The following DRC11 variants were observed in gnomAD, a reference collection of about 807,000 sequenced individuals.
The protein encoded by DRC11 is IQ and AAA domain-containing protein 1.
the DRC11 span, among the ~76,000 whole-genome samples, chr2:236,379,880 G>A: frequency 6.6e-6 from 1 of 151,280 alleles, no homozygotes; most frequent in Admixed American, 6.6e-5. Flanking sequence ...ACAGGGGAGC[G>A]ACAGGACCAA....
At chr2:236,314,100 T>C in the DRC11 span, among the ~76,000 whole-genome samples, 1 of 152,192 alleles carries the variant, frequency 6.6e-6, no homozygotes, top group Non-Finnish European at 1.5e-5. The surrounding 1 kb of genome is among the most constrained non-coding windows in gnomAD (Gnocchi z 4.5). Flanking sequence ...ATAAAATTGG[T>C]ATGTTGTATC....
the DRC11 span, among the ~76,000 whole-genome samples, chr2:236,373,465 G>T: frequency 2.0e-5 from 3 of 151,830 alleles, no homozygotes; most frequent in Non-Finnish European, 4.4e-5. Context: ...TGGCCAGGCT[G>T]GTCTGGAACT....
At chr2:236,504,296 T>C in the DRC11 span, among the ~76,000 whole-genome samples, 2 of 152,180 alleles carry the variant, frequency 1.3e-5, no homozygotes, top group African/African-American at 4.8e-5. This position sits in a 1 kb window ranked among gnomAD's most constrained non-coding sequence, Gnocchi z 5.0. Context: ...TTCTTTCTAT[T>C]GCTAAGTTTC....
chr2:236,309,776 C>G, the DRC11 span, among the ~76,000 whole-genome samples: 11 of 150,010 alleles, frequency 7.3e-5, no homozygotes, highest in Non-Finnish European at 1.6e-4. The surrounding 1 kb of genome is among the most constrained non-coding windows in gnomAD (Gnocchi z 5.7). Context: ...GTTGGTGTCC[C>G]TTTCAACTGG....
chr2:236,392,127 T>A, the DRC11 span: 1 of 1,574,346 alleles, frequency 6.4e-7, no homozygotes, highest in Admixed American at 1.7e-5. This position sits in a 1 kb window ranked among gnomAD's most constrained non-coding sequence, Gnocchi z 5.1. Flanking sequence ...TTGTGTTTTG[T>A]TTGTGAAGTT....
chr2:236,392,327 A>G, the DRC11 span: 11 of 1,594,026 alleles, frequency 6.9e-6, 1 homozygote, highest in Middle Eastern at 1.7e-4. The surrounding 1 kb of genome is among the most constrained non-coding windows in gnomAD (Gnocchi z 5.1). Flanking sequence ...AAATTCCAAG[A>G]CTCATCTTTT....
At chr2:236,503,658 G>A in the DRC11 span, 16 of 1,550,778 alleles carry the variant, frequency 1.0e-5, no homozygotes, top group African/African-American at 1.5e-4. This position sits in a 1 kb window ranked among gnomAD's most constrained non-coding sequence, Gnocchi z 4.9. Flanking sequence ...GAGAGACGGC[G>A]TCATCTCCTT....
At chr2:236,410,762 C>A in the DRC11 span, among the ~76,000 whole-genome samples, 1 of 150,122 alleles carries the variant, frequency 6.7e-6, no homozygotes, top group Non-Finnish European at 1.5e-5. Flanking sequence ...ACTATCTGAT[C>A]TTTGACAAAC....
chr2:236,493,786 T>C, the DRC11 span: 3 of 1,602,960 alleles, frequency 1.9e-6, no homozygotes, highest in Non-Finnish European at 2.6e-6. Context: ...ATGTATCTAT[T>C]CCGCTGTCCG....
At chr2:236,483,641 T>C in the DRC11 span, among the ~76,000 whole-genome samples, 66,393 of 151,870 alleles carry the variant, frequency 0.44, 14,969 homozygotes, top group African/African-American at 0.48. The surrounding 1 kb of genome is among the most constrained non-coding windows in gnomAD (Gnocchi z 4.8). Context: ...ATAATTATGG[T>C]GAACAACAAA....
the DRC11 span, among the ~76,000 whole-genome samples, chr2:236,338,679 G>A: frequency 1.3e-5 from 2 of 152,254 alleles, no homozygotes; most frequent in Admixed American, 6.5e-5. Flanking sequence ...ATTTACAAAC[G>A]GAAGGAAGCT....
chr2:236,470,012 T>G, the DRC11 span, among the ~76,000 whole-genome samples: 1 of 152,282 alleles, frequency 6.6e-6, no homozygotes, highest in East Asian at 1.9e-4. The surrounding 1 kb of genome is among the most constrained non-coding windows in gnomAD (Gnocchi z 5.1). Context: ...AGCAAGGTCC[T>G]CCGTCAGCAA....
At chr2:236,477,367 A>C in the DRC11 span, among the ~76,000 whole-genome samples, 1 of 152,256 alleles carries the variant, frequency 6.6e-6, no homozygotes, top group Non-Finnish European at 1.5e-5. Context: ...CATAAGAAAG[A>C]GAAGATTATT....
chr2:236,435,081 G>C, the DRC11 span, among the ~76,000 whole-genome samples: 1 of 152,194 alleles, frequency 6.6e-6, no homozygotes, highest in African/African-American at 2.4e-5. Flanking sequence ...AGTGAAGAAA[G>C]AGCAATTCCT....
At chr2:236,470,334 A>T in the DRC11 span, among the ~76,000 whole-genome samples, 1 of 152,186 alleles carries the variant, frequency 6.6e-6, no homozygotes, top group Admixed American at 6.5e-5. This position sits in a 1 kb window ranked among gnomAD's most constrained non-coding sequence, Gnocchi z 5.1. Context: ...ACCAAAGGTG[A>T]AGAAGGAGCA....
the DRC11 span, among the ~76,000 whole-genome samples, chr2:236,467,452 G>A: frequency 2.1e-4 from 32 of 152,268 alleles, no homozygotes; most frequent in Middle Eastern, 3.4e-3. Flanking sequence ...TTTCAGTTAC[G>A]TGTATCATTT....
the DRC11 span, among the ~76,000 whole-genome samples, chr2:236,483,105 T>C: frequency 1.3e-5 from 2 of 152,196 alleles, no homozygotes; most frequent in African/African-American, 2.4e-5. The surrounding 1 kb of genome is among the most constrained non-coding windows in gnomAD (Gnocchi z 4.8). Flanking sequence ...TTTGACTACT[T>C]TAGATAGTGC....
chr2:236,470,015 G>A, the DRC11 span, among the ~76,000 whole-genome samples: 312 of 152,218 alleles, frequency 2.0e-3, 2 homozygotes, highest in Non-Finnish European at 3.9e-3. The surrounding 1 kb of genome is among the most constrained non-coding windows in gnomAD (Gnocchi z 5.1). Context: ...AAGGTCCTCC[G>A]TCAGCAAAAA....
At chr2:236,468,445 A>G in the DRC11 span, among the ~76,000 whole-genome samples, 1 of 152,220 alleles carries the variant, frequency 6.6e-6, no homozygotes, top group Non-Finnish European at 1.5e-5. Flanking sequence ...ATTACTTTTT[A>G]AAGTAATATA....
Sources: allele counts gnomAD v4.1 joint callset (sites outside exome capture counted in the v4.1 genomes callset), GRCh38; gene constraint gnomAD v4.1.1; non-coding constraint Gnocchi (gnomAD v3.1); transcripts MANE v1.5; gene names NCBI Gene and HGNC (gene_info 2026-07-23, HGNC 2026-07-21).